Variants in HIVEP3 observed in about 807,000 individuals in gnomAD.
HIVEP3 encodes the protein transcription factor HIVEP3.
In HIVEP3, 49 loss-of-function variants were observed where a neutral mutation model predicts 152.8. The observed-to-expected ratio is 0.32, with a 90% CI of 0.26 to 0.41. The LOEUF (loss-of-function observed/expected upper bound fraction) is 0.41, where lower values mean the gene tolerates loss of function less well. HIVEP3 is among the 10% of genes least tolerant of loss of function. The pLI is 1.00. For missense variants in HIVEP3, 2,790 were observed against 3,103.3 expected (o/e 0.90, Z 2.40); for synonymous variants, 1,269 against 1,289.0 (o/e 0.98, Z 0.33).
In HIVEP3 at chr1:41,513,465, G is replaced by A. The variant is rs1421916127; in HGVS notation, c.5756C>T (p.Ser1919Leu). The A allele has an allele frequency of 1.9e-5, 31 of 1,611,368 alleles. No individual in the cohort carries two copies. The highest frequency in any genetic ancestry group is 2.6e-5 in the Non-Finnish European group (31 of 1,179,578). Residue 1919 changes from serine (S) to leucine (L), a missense_variant, in exon 8 of 9, where the codon TCG (serine) becomes TTG (leucine). Physicochemically the swap from Ser to Leu is moderately radical, Grantham distance 145 (BLOSUM62 -2). Coordinates refer to ENST00000372583, the MANE Select transcript of HIVEP3 (RefSeq NM_024503.5). ...GTEATRGSSV[S>L]EAERLTASSC... is the part of the protein sequence containing the mutation. ...GCTGGCTGTCAGGCGCTCAGCTTCC[G>A]AGACCGAGCTGCCTCGTGTAGCCTC...
chr1:41,524,965 C>T, intron 5 of HIVEP3, 55 bp from the exon 6 acceptor site: 1 of 1,530,806 alleles, frequency 6.5e-7, no homozygotes, highest in South Asian at 1.2e-5. Flanking sequence ...AGGCAGGTTC[C>T]CACCTCAGAA....
chr1:41,811,294 G>C (rs998942221), intron 1 of HIVEP3, among the ~76,000 whole-genome samples: 1 of 151,304 alleles, frequency 6.6e-6, no homozygotes, highest in African/African-American at 2.4e-5. Context: ...CCAATGGTAG[G>C]AACAGTGGTC....
At chr1:41,860,170 T>A (rs764431006) in intron 1 of HIVEP3, among the ~76,000 whole-genome samples, 9 of 152,316 alleles carry the variant, frequency 5.9e-5, no homozygotes, top group Middle Eastern at 3.4e-3. Flanking sequence ...AGCTTCTGCA[T>A]AAAGACACCC....
intron 2 of HIVEP3, among the ~76,000 whole-genome samples, chr1:41,667,711 C>T (rs1359694636): frequency 6.6e-6 from 1 of 152,210 alleles, no homozygotes; most frequent in East Asian, 1.9e-4. Flanking sequence ...CTGCTTAACT[C>T]CCCTATACCT....
At chr1:41,747,778 C>CTGA (rs1647095586) in intron 1 of HIVEP3, among the ~76,000 whole-genome samples, 2 of 152,262 alleles carry the variant, frequency 1.3e-5, no homozygotes, top group South Asian at 4.1e-4. Context: ...ATCAACCTTA[C>CTGA]TGATAGACTA....
chr1:41,614,819 G>A (rs79483577), intron 3 of HIVEP3, among the ~76,000 whole-genome samples: 13 of 152,322 alleles, frequency 8.5e-5, no homozygotes, highest in East Asian at 5.8e-4. Flanking sequence ...CACAGTCTCC[G>A]TGTTCTGATG....
intron 1 of HIVEP3, among the ~76,000 whole-genome samples, chr1:41,927,799 C>G (rs975798147): frequency 6.6e-6 from 1 of 152,104 alleles, no homozygotes; most frequent in South Asian, 2.1e-4. Context: ...CAGTGGCTCA[C>G]GCCTATAGTC....
At chr1:41,735,767 CG>C (rs1300716349) in intron 1 of HIVEP3, among the ~76,000 whole-genome samples, 5 of 152,144 alleles carry the variant, frequency 3.3e-5, no homozygotes, top group Admixed American at 2.6e-4. Flanking sequence ...TGGCCACCCA[CG>C]TGCTATCTAA....
At chr1:41,679,747 TG>T (rs978508581) in intron 2 of HIVEP3, among the ~76,000 whole-genome samples, 2 of 152,202 alleles carry the variant, frequency 1.3e-5, no homozygotes, top group African/African-American at 4.8e-5. Flanking sequence ...TGCCCAGACC[TG>T]GGAGGATGTG....
At chr1:42,010,567 A>C (rs1445675272) in intron 1 of HIVEP3, among the ~76,000 whole-genome samples, 1 of 152,176 alleles carries the variant, frequency 6.6e-6, no homozygotes, top group African/African-American at 2.4e-5. Context: ...TAGGGCACTT[A>C]AAAGTATTTC....
chr1:41,872,943 C>A (rs1173764689), intron 1 of HIVEP3, among the ~76,000 whole-genome samples: 1 of 152,176 alleles, frequency 6.6e-6, no homozygotes, highest in African/African-American at 2.4e-5. Flanking sequence ...ATATGCTGTG[C>A]ATGTTTAACT....
intron 1 of HIVEP3, among the ~76,000 whole-genome samples, chr1:41,715,527 G>T (rs1450493251): frequency 6.6e-6 from 1 of 152,234 alleles, no homozygotes; most frequent in Admixed American, 6.5e-5. Context: ...GGAACCATGG[G>T]AAGAACTGGG....
rs187845556 is a variant in HIVEP3, at chr1:41,669,177, G to C, written c.-721+31739C>G. On this transcript the variant is annotated intron_variant, in intron 2 of 8. Transcript: ENST00000372583. ...CTGACTGGATTAGAATCCCAGCAAG[G>C]GTCCTGGGCACCTGGCTGTGTCCTA... 1.1e-4 allele frequency among the ~76,000 whole-genome samples: 17 copies of C among 152,276 alleles called. No homozygotes were observed. The East Asian group carries it at 1.9e-3, about 17-fold the overall frequency.
intron 3 of HIVEP3, among the ~76,000 whole-genome samples, chr1:41,626,633 C>G (rs2149146802): frequency 6.6e-6 from 1 of 152,294 alleles, no homozygotes; most frequent in Admixed American, 6.5e-5. Flanking sequence ...TGTTGTACAC[C>G]TCATGGAATG....
intron 1 of HIVEP3, among the ~76,000 whole-genome samples, chr1:41,846,571 G>C (rs1425944101): frequency 6.6e-6 from 1 of 152,232 alleles, no homozygotes; most frequent in South Asian, 2.1e-4. Context: ...CGTGTTCGCT[G>C]TGAGGAATGG....
At chr1:41,871,097 G>A (rs1644071650) in intron 1 of HIVEP3, among the ~76,000 whole-genome samples, 1 of 152,314 alleles carries the variant, frequency 6.6e-6, no homozygotes, top group African/African-American at 2.4e-5. Flanking sequence ...TGGACATACT[G>A]TCACTAAATT....
intron 1 of HIVEP3, among the ~76,000 whole-genome samples, chr1:41,755,899 C>T (rs1389422343): frequency 1.3e-5 from 2 of 152,194 alleles, no homozygotes; most frequent in African/African-American, 2.4e-5. Context: ...TATAGCTACA[C>T]TGAAAAATAT....
chr1:41,528,260 C>A (rs1449737574), intron 5 of HIVEP3, among the ~76,000 whole-genome samples: 2 of 132,072 alleles, frequency 1.5e-5, no homozygotes, highest in Non-Finnish European at 3.3e-5. Flanking sequence ...TCACACCCCT[C>A]CACCCTCACA....
chr1:41,722,674 G>C lies in HIVEP3; in HGVS notation c.-800-21679C>G, dbSNP rs148317955. Among the ~76,000 whole-genome samples, 23 of 152,104 alleles carry C rather than the reference G, an allele frequency of 1.5e-4. No homozygotes were observed. The East Asian group carries it at 4.5e-3, about 29-fold the overall frequency. ...AGTCTCTATTCTGTGGGCACTCACA[G>C]TCTAGTCAAGGAGACAGACTAGCAA... On this transcript the variant is annotated intron_variant, in intron 1 of 8. Transcript: ENST00000372583.
Sources: allele counts gnomAD v4.1 joint callset (sites outside exome capture counted in the v4.1 genomes callset), GRCh38; gene constraint gnomAD v4.1.1; transcripts MANE v1.5; gene names NCBI Gene and HGNC (gene_info 2026-07-23, HGNC 2026-07-21).